NTN1: variants seen among roughly 807,000 people sequenced by gnomAD.
NTN1 encodes netrin 1, also known as netrin-1.
A neutral mutation model predicts 54.2 loss-of-function variants in NTN1; 11 were observed. That is an observed-to-expected ratio of 0.20 (90% confidence interval 0.13 to 0.34). The LOEUF (loss-of-function observed/expected upper bound fraction) is 0.34. Among genes scored for constraint, NTN1 ranks in the 10% least tolerant of loss-of-function variants. NTN1 has a pLI of 1.00. For missense variants in NTN1, 740 were observed against 893.1 expected, an observed-to-expected ratio of 0.83 and a Z score of 2.18; for synonymous variants, 371 against 382.0, an observed-to-expected ratio of 0.97 and a Z score of 0.33.
In NTN1 at chr17:9,211,745, T is replaced by G. The variant is rs1905112520; in HGVS notation, c.1412-9423T>G. Reference sequence around the variant, plus strand: ...CAGTTTGCTAGGCAGAAGCGCTATATTCTTGTTGGTTTATGTTTTGTTTCT... The same window carrying G: ...CAGTTTGCTAGGCAGAAGCGCTATAGTCTTGTTGGTTTATGTTTTGTTTCT... On this transcript the variant is annotated intron_variant, in intron 5 of 6. Transcript: ENST00000173229. The surrounding 1 kb of genome is among the most constrained non-coding windows in gnomAD (Gnocchi z 4.4). Among the ~76,000 whole-genome samples the G allele has an allele frequency of 6.6e-6, 1 of 150,600 alleles. No homozygotes were observed. Among genetic ancestry groups the G allele is most frequent in the African/African-American group, 2.5e-5 (1 of 40,376 alleles).
intron 2 of NTN1, among the ~76,000 whole-genome samples, chr17:9,062,424 C>A (rs1249054394): frequency 6.6e-6 from 1 of 152,120 alleles, no homozygotes; most frequent in Non-Finnish European, 1.5e-5. Context: ...GATAATTGAG[C>A]CAGAATGTTA....
At chr17:9,146,364 T>A (rs1380771379) in intron 2 of NTN1, among the ~76,000 whole-genome samples, 1 of 152,200 alleles carries the variant, frequency 6.6e-6, no homozygotes, top group Non-Finnish European at 1.5e-5. Context: ...AGCTCCCACC[T>A]CCTGCCCTGA....
intron 5 of NTN1, among the ~76,000 whole-genome samples, chr17:9,195,171 G>A (rs1904591909): frequency 6.6e-6 from 1 of 150,600 alleles, no homozygotes; most frequent in Non-Finnish European, 1.5e-5. Flanking sequence ...GGCTGGGGGT[G>A]AACAGGGCCA....
At chr17:9,143,898 CTT>C (rs34801624) in intron 2 of NTN1, among the ~76,000 whole-genome samples, 10 of 140,632 alleles carry the variant, frequency 7.1e-5, no homozygotes, top group Non-Finnish European at 1.1e-4. Flanking sequence ...CCTTTACCTG[CTT>C]TTTTTTTTTT....
intron 2 of NTN1, among the ~76,000 whole-genome samples, chr17:9,158,271 T>C (rs2142294993): frequency 6.6e-6 from 1 of 152,264 alleles, no homozygotes; most frequent in South Asian, 2.1e-4. Context: ...GGAAGAGAGC[T>C]ACCAGCCCCC....
At chr17:9,150,232 G>T (rs1217889924) in intron 2 of NTN1, among the ~76,000 whole-genome samples, 1 of 152,112 alleles carries the variant, frequency 6.6e-6, no homozygotes, top group African/African-American at 2.4e-5. Flanking sequence ...AAATAAGGAA[G>T]GAAGGAGCAA....
chr17:9,232,577 C>G (rs534700309), intron 6 of NTN1, among the ~76,000 whole-genome samples: 2 of 152,288 alleles, frequency 1.3e-5, no homozygotes, highest in East Asian at 3.9e-4. Flanking sequence ...CGTTGGGTGT[C>G]CTCATGTTGT....
At chr17:9,125,792 A>T (rs1045871409) in intron 2 of NTN1, among the ~76,000 whole-genome samples, 1 of 152,136 alleles carries the variant, frequency 6.6e-6, no homozygotes, top group Non-Finnish European at 1.5e-5. Context: ...TTTTATATTC[A>T]TGATCACGTG....
At chr17:9,032,779 C>G (rs141134227) in intron 2 of NTN1, among the ~76,000 whole-genome samples, 1 of 152,096 alleles carries the variant, frequency 6.6e-6, no homozygotes, top group Non-Finnish European at 1.5e-5. Context: ...TTCCTCTCCC[C>G]GAAGCCAGAC....
intron 5 of NTN1, among the ~76,000 whole-genome samples, chr17:9,204,641 G>A (rs1389556011): frequency 1.3e-5 from 2 of 152,138 alleles, no homozygotes; most frequent in East Asian, 1.9e-4. Context: ...TCTATCAGTC[G>A]GTGGCAAATG....
intron 2 of NTN1, among the ~76,000 whole-genome samples, chr17:9,073,682 T>G (rs2092040029): frequency 6.6e-6 from 1 of 152,192 alleles, no homozygotes; most frequent in Non-Finnish European, 1.5e-5. Context: ...ACATTTGCCC[T>G]CTTACAAGGT....
intron 2 of NTN1, among the ~76,000 whole-genome samples, chr17:9,128,294 A>G (rs1181489823): frequency 2.8e-5 from 4 of 144,234 alleles, no homozygotes; most frequent in African/African-American, 1.0e-4. Context: ...TAGGCAACAC[A>G]GTGAGACTCT....
chr17:9,234,819 T>A (rs560260704), intron 6 of NTN1, among the ~76,000 whole-genome samples: 1 of 152,294 alleles, frequency 6.6e-6, no homozygotes, highest in East Asian at 1.9e-4. Flanking sequence ...CCAGGCAGGG[T>A]TGAGGGGCTC....
At chr17:9,047,425 CAGG>C (rs2091944589) in intron 2 of NTN1, among the ~76,000 whole-genome samples, 1 of 152,180 alleles carries the variant, frequency 6.6e-6, no homozygotes, top group South Asian at 2.1e-4. Flanking sequence ...GCATCTTCAC[CAGG>C]AGTAGAGTCC....
intron 2 of NTN1, among the ~76,000 whole-genome samples, chr17:9,155,657 C>G (rs1389096475): frequency 2.0e-5 from 3 of 152,212 alleles, no homozygotes; most frequent in Non-Finnish European, 4.4e-5. Context: ...GAGCAGCTTT[C>G]TAAGCCTCAG....
intron 2 of NTN1, among the ~76,000 whole-genome samples, chr17:9,044,236 T>A (rs1471943976): frequency 7.1e-4 from 1 of 1,418 alleles, no homozygotes; most frequent in Non-Finnish European, 9.4e-4. Context: ...TTCCGGTACT[T>A]TTTTTTTTTC....
chr17:9,230,730 A>G (rs899834995), intron 6 of NTN1, among the ~76,000 whole-genome samples: 6 of 151,964 alleles, frequency 3.9e-5, no homozygotes, highest in African/African-American at 1.5e-4. Flanking sequence ...GCAGAGCGGG[A>G]GCCCTGAGGG....
chr17:9,148,998 C>G (rs1000875632), intron 2 of NTN1, among the ~76,000 whole-genome samples: 3 of 152,090 alleles, frequency 2.0e-5, no homozygotes, highest in Non-Finnish European at 4.4e-5. Flanking sequence ...TGCCTGGTGT[C>G]TGGAGAACAG....
the NTN1 span, among the ~76,000 whole-genome samples, chr17:9,010,643 G>A: frequency 9.2e-5 from 14 of 152,196 alleles, no homozygotes; most frequent in African/African-American, 1.4e-4. Flanking sequence ...TGCGGCTGCT[G>A]TAACAAATTC....
Sources: gnomAD v4.1 joint callset for allele counts (sites outside exome capture counted in the v4.1 genomes callset) on GRCh38, gnomAD v4.1.1 for gene constraint, Gnocchi (gnomAD v3.1) non-coding constraint, MANE v1.5 for transcripts, NCBI Gene and HGNC (gene_info 2026-07-23, HGNC 2026-07-21) for gene names.